Variants in SORCS2 observed in about 807,000 individuals in gnomAD.
SORCS2 encodes the protein VPS10 domain-containing receptor SorCS2.
In SORCS2, 100 loss-of-function variants were observed where a neutral mutation model predicts 141.6. That is an observed-to-expected ratio of 0.71 (90% CI 0.60 to 0.83). The LOEUF is 0.83. SORCS2 is among the 40% of genes least tolerant of loss of function. The pLI is 0.00. For missense variants in SORCS2, 1,646 were observed against 1,560.2 expected, an observed-to-expected ratio of 1.05 and a Z score of -0.93; for synonymous variants, 789 against 676.9, an observed-to-expected ratio of 1.17 and a Z score of -2.57.
intron 2 of SORCS2, among the ~76,000 whole-genome samples, chr4:7,531,013 G>C (rs1365467272): frequency 6.6e-6 from 1 of 152,252 alleles, no homozygotes; most frequent in African/African-American, 2.4e-5. Context: ...TGGAGGATGG[G>C]GCTCCCTGGA....
At chr4:7,597,962 C>CT (rs902858065) in intron 3 of SORCS2, among the ~76,000 whole-genome samples, 7,715 of 91,466 alleles carry the variant, frequency 0.084, 496 homozygotes, top group East Asian at 0.099. Flanking sequence ...TTCAGCTAAT[C>CT]TTTTTTTTTT....
At chr4:7,277,230 G>A (rs1425009978) in intron 1 of SORCS2, among the ~76,000 whole-genome samples, 1 of 152,182 alleles carries the variant, frequency 6.6e-6, no homozygotes, top group African/African-American at 2.4e-5. Context: ...GAGTGGGAGA[G>A]GAGGTGAAGG....
At chr4:7,684,941 C>T (rs1723782767) in intron 10 of SORCS2, among the ~76,000 whole-genome samples, 1 of 152,130 alleles carries the variant, frequency 6.6e-6, no homozygotes, top group South Asian at 2.1e-4. Context: ...CCCAGGGCAA[C>T]CCCTTGCTCT....
rs887024229 is a variant in SORCS2 at position 7,740,790 on chromosome 4, C to T, written c.*526C>T. 3.9e-5 allele frequency: 14 copies of T among 358,768 alleles called. No individual in the cohort carries two copies. Among genetic ancestry groups the T allele is most frequent in the Non-Finnish European group, 6.0e-5 (12 of 201,328 alleles). 22.2% of individuals were successfully genotyped at this position (358,768 alleles called of 1,614,324 possible). Reference sequence around the variant, plus strand: ...AACACCACACCACCCTCCAGGCCCCCCTGCCCTCCGGCTGGAAACTGCAGC... The same window carrying T: ...AACACCACACCACCCTCCAGGCCCCTCTGCCCTCCGGCTGGAAACTGCAGC... On this transcript the variant is annotated 3_prime_UTR_variant, in exon 27 of 27. Coordinates refer to ENST00000507866, the MANE Select transcript of SORCS2 (RefSeq NM_020777.3).
chr4:7,236,990 A>G (rs754321947), intron 1 of SORCS2, among the ~76,000 whole-genome samples: 5 of 152,210 alleles, frequency 3.3e-5, no homozygotes, highest in Non-Finnish European at 5.9e-5. Context: ...CCACCTGGGA[A>G]AGACTGGTCG....
intron 3 of SORCS2, among the ~76,000 whole-genome samples, chr4:7,638,091 A>G (rs549160252): frequency 6.6e-6 from 1 of 152,110 alleles, no homozygotes; most frequent in East Asian, 1.9e-4. Flanking sequence ...CAGACACTCC[A>G]TGAATGGATG....
At chr4:7,673,282 G>A (rs79654573) in intron 8 of SORCS2, among the ~76,000 whole-genome samples, 1,847 of 152,294 alleles carry the variant, frequency 0.012, 41 homozygotes, top group African/African-American at 0.042. Context: ...AAGAGCTTTC[G>A]AAATGTTGCG....
At chr4:7,279,907 G>T (rs1577350490) in intron 1 of SORCS2, among the ~76,000 whole-genome samples, 1 of 148,762 alleles carries the variant, frequency 6.7e-6, no homozygotes, top group Non-Finnish European at 1.5e-5. Flanking sequence ...CAACTCTCAG[G>T]CAAAGGTGTC....
chr4:7,460,904 A>T (rs1004421026), intron 2 of SORCS2, among the ~76,000 whole-genome samples: 1 of 151,970 alleles, frequency 6.6e-6, no homozygotes, highest in African/African-American at 2.4e-5. Context: ...CGCAGCTTGA[A>T]TTTTTCATGG....
In SORCS2 at chr4:7,301,358, C is replaced by T. The variant is rs542240162; in HGVS notation, c.481-94930C>T. 9.8e-5 allele frequency among the ~76,000 whole-genome samples: 15 copies of T among 152,352 alleles called. No homozygotes were observed. The East Asian group carries it at 2.5e-3, about 25-fold the overall frequency. On this transcript the variant is annotated intron_variant, in intron 1 of 26. Coordinates refer to ENST00000507866, the MANE Select transcript of SORCS2 (RefSeq NM_020777.3). ...GCTGCCGAGGAGGTGCTGAAGCCCA[C>T]CCACCCTCAGCACAGGCCCAGGGAG... is the stretch of plus-strand genomic sequence containing the variant.
Position 7,207,043 on chromosome 4 carries a change from C to T in SORCS2, c.480+13917C>T, listed in dbSNP as rs138172071. 6.1e-3 allele frequency among the ~76,000 whole-genome samples: 925 copies of T among 152,248 alleles called. 3 individuals are homozygous for T. Among genetic ancestry groups the T allele is most frequent in the Non-Finnish European group, 9.6e-3 (655 of 68,008 alleles). ...CATCTATCTACAAACCAGCCCCGCA[C>T]CTAGCATCACCCACTGCTAACGTGC... On this transcript the variant is annotated intron_variant, in intron 1 of 26. Coordinates refer to ENST00000507866, the MANE Select transcript of SORCS2 (RefSeq NM_020777.3).
At chr4:7,314,815 T>TG (rs1390728950) in intron 1 of SORCS2, among the ~76,000 whole-genome samples, 94 of 79,874 alleles carry the variant, frequency 1.2e-3, no homozygotes, top group South Asian at 6.1e-3. Flanking sequence ...TTTTTTTTTT[T>TG]TTTTTTTTTT....
intron 1 of SORCS2, among the ~76,000 whole-genome samples, chr4:7,317,532 T>G (rs1259399994): frequency 6.6e-6 from 1 of 152,186 alleles, no homozygotes; most frequent in Non-Finnish European, 1.5e-5. Context: ...TGGCCACTTC[T>G]TCCTCCTCTA....
chr4:7,472,037 A>T (rs4428286), intron 2 of SORCS2, among the ~76,000 whole-genome samples: 39,926 of 152,172 alleles, frequency 0.26, 6,629 homozygotes, highest in African/African-American at 0.46. Context: ...CCTCTCTGAG[A>T]TGGGGTCTAT....
At chr4:7,545,844 C>G (rs1463808514) in intron 3 of SORCS2, among the ~76,000 whole-genome samples, 4 of 152,232 alleles carry the variant, frequency 2.6e-5, no homozygotes, top group African/African-American at 9.6e-5. Context: ...ACGAAACACT[C>G]CAAACTGGGT....
intron 2 of SORCS2, among the ~76,000 whole-genome samples, chr4:7,528,702 G>A (rs566787336): frequency 3.3e-5 from 5 of 152,166 alleles, no homozygotes; most frequent in Admixed American, 6.5e-5. Context: ...GGCATGAGGC[G>A]CCGTGCCTGG....
At chr4:7,647,479 G>A (rs1274030256) in intron 4 of SORCS2, among the ~76,000 whole-genome samples, 2 of 152,150 alleles carry the variant, frequency 1.3e-5, no homozygotes, top group Admixed American at 6.5e-5. Flanking sequence ...AAGACACCGT[G>A]GAGGCGGGAC....
chr4:7,586,018 G>A (rs1313554542), intron 3 of SORCS2, among the ~76,000 whole-genome samples: 3 of 152,218 alleles, frequency 2.0e-5, no homozygotes, highest in African/African-American at 4.8e-5. Flanking sequence ...TGGGTCTGAT[G>A]TTTGCCTCCT....
At chr4:7,199,257 C>T (rs1426064457) in intron 1 of SORCS2, among the ~76,000 whole-genome samples, 1 of 152,148 alleles carries the variant, frequency 6.6e-6, no homozygotes, top group Non-Finnish European at 1.5e-5. Context: ...GGGGTGGGGG[C>T]AGAGAGCCCC....
Sources: allele counts gnomAD v4.1 joint callset (sites outside exome capture counted in the v4.1 genomes callset), GRCh38; gene constraint gnomAD v4.1.1; transcripts MANE v1.5; gene names NCBI Gene and HGNC (gene_info 2026-07-23, HGNC 2026-07-21).